ELAC2: variants seen among roughly 807,000 people sequenced by gnomAD.
ELAC2 encodes the protein elaC ribonuclease Z 2, also known as zinc phosphodiesterase ELAC protein 2.
ELAC2 carries 92 observed loss-of-function variants against 105.2 expected under a neutral mutation model. The observed-to-expected ratio is 0.87, with a 90% CI of 0.74 to 1.04. ELAC2 has a LOEUF of 1.04. ELAC2 is among the 50% of genes least tolerant of loss of function. The pLI is 0.00. For synonymous variants in ELAC2, 468 were observed against 409.1 expected, an observed-to-expected ratio of 1.14 and a Z score of -1.74; for missense variants, 1,099 against 1,071.7, an observed-to-expected ratio of 1.03 and a Z score of -0.36.
At position 13,017,734 on chromosome 17, in the gene ELAC2, C is replaced by T. The variant is rs2041828533; in HGVS notation, c.214G>A (p.Ala72Thr). The T allele has an allele frequency of 1.9e-6, 3 of 1,612,302 alleles. No homozygotes were observed. Among genetic ancestry groups the T allele is most frequent in the African/African-American group, 2.7e-5 (2 of 74,934 alleles). Reference sequence around the variant, plus strand: ...AACTCGGAGAAGACGTAGAGCGCGGCGCCCGAGTCCCGGCTACCCGCTGCC... The same window carrying T: ...AACTCGGAGAAGACGTAGAGCGCGGTGCCCGAGTCCCGGCTACCCGCTGCC... ...VVAAGSRDSG[A>T]ALYVFSEFNR... is the part of the protein sequence containing the mutation. The change falls in exon 1 of 24, where the codon GCC becomes ACC. Residue 72 changes from alanine (A) to threonine (T), a missense_variant. Transcript: ENST00000338034.
Position 12,992,287 on chromosome 17 carries a change from G to C in ELAC2, c.*531C>G. On this transcript the variant is annotated 3_prime_UTR_variant, in exon 24 of 24. Coordinates refer to ENST00000338034, the MANE Select transcript of ELAC2 (RefSeq NM_018127.7). ...AGCTGACTTCTTCCAAGCCACCCGGGTACCAGGCAGCTGCCACACTACAGC... is the reference window on the plus strand; with the variant it reads ...AGCTGACTTCTTCCAAGCCACCCGGCTACCAGGCAGCTGCCACACTACAGC... 1 of 241,562 alleles carries C rather than the reference G, an allele frequency of 4.1e-6. No individual in the cohort carries two copies. The highest frequency in any genetic ancestry group is 8.2e-6 in the Non-Finnish European group (1 of 122,406). 15.0% of individuals were successfully genotyped at this position (241,562 alleles called of 1,614,324 possible).
At chr17:13,004,958 C>T in intron 11 of ELAC2, 31 bp downstream of exon 11, 1 of 1,546,594 alleles carries the variant, frequency 6.5e-7, no homozygotes, top group Admixed American at 1.7e-5. Flanking sequence ...TTTCAGCTCT[C>T]ACTTCTCCCA....
rs755286781 is a variant in ELAC2 at position 12,995,951 on chromosome 17, C to G, written c.1687G>C (p.Glu563Gln). 2 of 1,596,452 alleles carry G rather than the reference C, an allele frequency of 1.3e-6. No individual in the cohort carries two copies. Among genetic ancestry groups the G allele is most frequent in the Non-Finnish European group, 1.7e-6 (2 of 1,170,132 alleles). Residue 563 changes from glutamate (E) to glutamine (Q), a missense_variant, in exon 18 of 24, where the codon GAA (glutamate) becomes CAA (glutamine). Coordinates refer to ENST00000338034, the MANE Select transcript of ELAC2 (RefSeq NM_018127.7). ...AGTGCCACACTTACCAAGGCGCGTTCTCTCTGCAGCAAGATACTTGGCAAG... is the reference window on the plus strand; with the variant it reads ...AGTGCCACACTTACCAAGGCGCGTTGTCTCTGCAGCAAGATACTTGGCAAG... The part of the protein sequence containing the change: ...TGLPSILLQR[E>Q]RALASLGKPL...
At chr17:13,005,875 C>G (rs772503641) in intron 9 of ELAC2, 46 bp downstream of exon 9, 89 of 1,613,930 alleles carry the variant, frequency 5.5e-5, no homozygotes, top group Non-Finnish European at 6.4e-5. Context: ...CTTAAGTGGA[C>G]AGGTGTACCC....
Position 12,995,704 on chromosome 17 carries a change from T to A in ELAC2, c.1807A>T (p.Ser603Cys). 6.2e-7 allele frequency: 1 copy of A among 1,609,442 alleles called. No individual in the cohort carries two copies. Among genetic ancestry groups the A allele is most frequent in the African/African-American group, 1.3e-5 (1 of 74,918 alleles). The change falls in exon 19 of 24, where the codon AGT becomes TGT. Residue 603 changes from serine to cysteine, a missense_variant and splice_region_variant. Ser to Cys is a moderately radical substitution (Grantham distance 112). Coordinates refer to ENST00000338034, the MANE Select transcript of ELAC2 (RefSeq NM_018127.7). Reference sequence around the variant, plus strand: ...GGCCAGGCTGCCCTGGATGCTCACCTGATGTGGTGCAGGACCTCCTGGCAC... The same window carrying A: ...GGCCAGGCTGCCCTGGATGCTCACCAGATGTGGTGCAGGACCTCCTGGCAC... ...NQCQEVLHHI[S>C]MIPAKCLQEG...
chr17:13,003,834 C>T, intron 11 of ELAC2: 1 of 508,782 alleles, frequency 2.0e-6, no homozygotes, highest in South Asian at 2.0e-5. Flanking sequence ...CCTTTCTCAG[C>T]ACTGCACTTC....
Position 13,000,214 on chromosome 17 carries a change from G to T in ELAC2, c.1365C>A (p.Asn455Lys). 1 of 1,614,146 alleles carries T rather than the reference G, an allele frequency of 6.2e-7. No individual in the cohort carries two copies. The highest frequency in any genetic ancestry group is 2.2e-5 in the East Asian group (1 of 44,880). ...EFIVEALQLP[N>K]FQQSVQEYRR... Reference sequence around the variant, plus strand: ...TGTACTCCTGCACGCTCTGCTGGAAGTTGGGAAGCTGCAGCGCCTCAACTA... The same window carrying T: ...TGTACTCCTGCACGCTCTGCTGGAATTTGGGAAGCTGCAGCGCCTCAACTA... Residue 455 changes from asparagine (N) to lysine (K), a missense_variant, in exon 15 of 24, where the codon AAC becomes AAA. By Grantham distance (94) the Asn-to-Lys change is moderately conservative. Coordinates refer to ENST00000338034, the MANE Select transcript of ELAC2 (RefSeq NM_018127.7).
At chr17:13,013,011 T>G (rs560404767) in intron 6 of ELAC2, among the ~76,000 whole-genome samples, 196 bp downstream of exon 6, 1 of 152,346 alleles carries the variant, frequency 6.6e-6, no homozygotes, top group African/African-American at 2.4e-5. Context: ...ATCACTATCA[T>G]TAGGCATAAG....
At position 13,010,621 on chromosome 17, in the gene ELAC2, T is replaced by C. The variant is rs760599953; in HGVS notation, c.730A>G (p.Ile244Val). ...CGGAAAGTCTTCCTTACCTTACAGATGAAAGCTACGACCAGGGAAGAGTCC... is the reference window on the plus strand; with the variant it reads ...CGGAAAGTCTTCCTTACCTTACAGACGAAAGCTACGACCAGGGAAGAGTCC... ...VRDSSLVVAF[I>V]CKLHLKRGNF... is the part of the protein sequence containing the mutation. Residue 244 changes from isoleucine to valine, a missense_variant, in exon 8 of 24, where the codon ATC becomes GTC. Coordinates refer to ENST00000338034, the MANE Select transcript of ELAC2 (RefSeq NM_018127.7). The C allele has an allele frequency of 1.2e-6, 2 of 1,613,968 alleles. No individual in the cohort carries two copies. The highest frequency in any genetic ancestry group is 2.7e-5 in the African/African-American group (2 of 74,918).
rs1250987071 is a variant in ELAC2, at chr17:12,991,902, AT to A, written c.*915del. ...CTTACTTCCTTGGAAAATGCTCTCC[AT>A]TTGTCGAGCACTAATCCACGTCTGT... On this transcript the variant is annotated 3_prime_UTR_variant, in exon 24 of 24. Coordinates refer to ENST00000338034, the MANE Select transcript of ELAC2 (RefSeq NM_018127.7). Among the ~76,000 whole-genome samples the A allele has an allele frequency of 6.6e-6, 1 of 152,026 alleles. No homozygotes were observed. The highest frequency in any genetic ancestry group is 2.4e-5 in the African/African-American group (1 of 41,400).
At position 13,003,951 on chromosome 17, in the gene ELAC2, T is replaced by TG. The variant is rs1331919472; in HGVS notation, c.984-378_984-377insC. On this transcript the variant is annotated intron_variant, in intron 11 of 23. Transcript: ENST00000338034. ...CTTCCTCTCTCACAGTCAAATTTCC[T>TG]CGAATAAACCTCCTGCACCTCCAAT... The TG allele has an allele frequency of 6.1e-4, 153 of 251,842 alleles. 4 individuals carry two copies. In the South Asian group the frequency reaches 7.1e-3, roughly 12 times the overall value. 15.6% of individuals were successfully genotyped at this position (251,842 alleles called of 1,614,324 possible). A position where few individuals can be genotyped will look rare whatever the true frequency, so the allele number is the denominator to read the frequency against.
At position 12,992,715 on chromosome 17, in the gene ELAC2, G is replaced by T; in HGVS notation, c.*103C>A. 1 of 1,408,106 alleles carries T rather than the reference G, an allele frequency of 7.1e-7. No homozygotes were observed. The highest frequency in any genetic ancestry group is 9.9e-7 in the Non-Finnish European group (1 of 1,010,798). The allele number at this position is 1,408,106 out of a possible 1,614,324, so 87.2% of individuals were successfully genotyped here. ...TACCACCTATCCTGAGCTGCCTCCT[G>T]GGGGACCGTGCTCTTCAGCTTCTAC... On this transcript the variant is annotated 3_prime_UTR_variant, in exon 24 of 24. Transcript: ENST00000338034.
Position 13,009,990 on chromosome 17 carries a change from C to CAAAA in ELAC2, c.738+619_738+622dup, listed in dbSNP as rs1157775345. On this transcript the variant is annotated intron_variant, in intron 8 of 23. Coordinates refer to ENST00000338034, the MANE Select transcript of ELAC2 (RefSeq NM_018127.7). Reference sequence around the variant, plus strand: ...TAGGCGATGGAGACAGACATGGTCTCAAAAAAAAAAAAAAAAAATGTACGG... The same window carrying CAAAA: ...TAGGCGATGGAGACAGACATGGTCTCAAAAAAAAAAAAAAAAAAAAAATGTACGG... 3.7e-4 allele frequency among the ~76,000 whole-genome samples: 28 copies of CAAAA among 76,200 alleles called. 1 individual carries two copies. The highest frequency in any genetic ancestry group is 1.4e-3 in the South Asian group (3 of 2,198). 50.0% of individuals were successfully genotyped at this position (76,200 alleles called of 152,430 possible).
At chr17:13,006,367 C>A in intron 8 of ELAC2, 4 of 212,702 alleles carry the variant, frequency 1.9e-5, no homozygotes, top group South Asian at 1.4e-4. Flanking sequence ...GAAAGTCTGT[C>A]TCAAAAAAAA....
At chr17:13,008,945 C>T (rs578070754) in intron 8 of ELAC2, among the ~76,000 whole-genome samples, 186 of 152,258 alleles carry the variant, frequency 1.2e-3, no homozygotes, top group African/African-American at 3.0e-3. Flanking sequence ...GGCAACTGCC[C>T]GAGTGTGTAA....
intron 16 of ELAC2, among the ~76,000 whole-genome samples, chr17:12,997,725 G>T (rs991853571): frequency 1.3e-5 from 2 of 152,108 alleles, no homozygotes; most frequent in East Asian, 1.9e-4. Context: ...TCCACCACTA[G>T]CATGTAAGAT....
At chr17:13,016,830 C>A (rs368823714) in intron 3 of ELAC2, 32 bp downstream of exon 3, 48 of 1,606,814 alleles carry the variant, frequency 3.0e-5, no homozygotes, top group Admixed American at 6.7e-5. Flanking sequence ...AGACTTCCCA[C>A]CAGCCTCTGA....
Position 13,017,123 on chromosome 17 carries a change from T to A in ELAC2, c.246-2A>T. 3 of 1,613,180 alleles carry A rather than the reference T, an allele frequency of 1.9e-6. No homozygotes were observed. The highest frequency in any genetic ancestry group is 2.5e-6 in the Non-Finnish European group (3 of 1,179,618). On this transcript the variant is annotated splice_acceptor_variant, in intron 1 of 23. Coordinates refer to ENST00000338034, the MANE Select transcript of ELAC2 (RefSeq NM_018127.7). LOFTEE classifies it high-confidence loss of function. The stretch of plus-strand genomic sequence containing the variant: ...CCTTCTCCACAGTTGAAGAGATACC[T>A]ACAAGACAAACATTACACAAGACAT...
intron 14 of ELAC2, among the ~76,000 whole-genome samples, chr17:13,002,067 T>G (rs2040839903): frequency 2.0e-5 from 3 of 152,222 alleles, no homozygotes; most frequent in Non-Finnish European, 1.5e-5. Context: ...AGTAGGCTGC[T>G]TTTCTAAATA....
Sources: gnomAD v4.1 joint callset for allele counts (sites outside exome capture counted in the v4.1 genomes callset) on GRCh38, gnomAD v4.1.1 for gene constraint, MANE v1.5 for transcripts, NCBI Gene and HGNC (gene_info 2026-07-23, HGNC 2026-07-21) for gene names.